Variants in CSMD2 observed in about 807,000 individuals in gnomAD.
CSMD2 encodes CUB and sushi domain-containing protein 2.
A neutral mutation model predicts 398.5 loss-of-function variants in CSMD2; 130 were observed. That is an observed-to-expected ratio of 0.33 (90% CI 0.28 to 0.38). The LOEUF (loss-of-function observed/expected upper bound fraction) is 0.38. CSMD2 is among the 10% of genes least tolerant of loss of function. CSMD2 has a pLI of 1.00. For missense variants in CSMD2, 3,829 were observed against 4,764.9 expected (o/e 0.80, Z 5.78); for synonymous variants, 1,828 against 1,908.5 (o/e 0.96, Z 1.10).
At chr1:33,672,942 C>T (rs1175576827) in intron 25 of CSMD2, among the ~76,000 whole-genome samples, 1 of 152,152 alleles carries the variant, frequency 6.6e-6, no homozygotes, top group African/African-American at 2.4e-5. Flanking sequence ...AAAGGACATC[C>T]ACACCAAAAC....
chr1:33,813,369 C>T (rs554872157), intron 9 of CSMD2, among the ~76,000 whole-genome samples: 1 of 152,354 alleles, frequency 6.6e-6, no homozygotes, highest in South Asian at 2.1e-4. Flanking sequence ...GACAGACAGA[C>T]AGACATCACC....
At chr1:33,837,072 A>T (rs34573636) in intron 6 of CSMD2, among the ~76,000 whole-genome samples, 1 of 151,960 alleles carries the variant, frequency 6.6e-6, no homozygotes, top group Non-Finnish European at 1.5e-5. Context: ...GAGCAATCCC[A>T]GGGAAGCAGT....
rs577281103 is a variant in CSMD2, at chr1:33,874,691, G to A, written c.921-27695C>T. ...GGTTAGCACCCAGAGAGTTTGATGG[G>A]CACCAGAAACCACACCTCCAGCTCT... On this transcript the variant is annotated intron_variant, in intron 5 of 70. Transcript: ENST00000373381. Among the ~76,000 whole-genome samples, 13 of 152,252 alleles carry A rather than the reference G, an allele frequency of 8.5e-5. No homozygotes were observed. In the South Asian group the frequency reaches 1.5e-3, roughly 17 times the overall value.
intron 13 of CSMD2, among the ~76,000 whole-genome samples, chr1:33,768,538 G>A (rs538466557): frequency 0.12 from 1,181 of 10,008 alleles, 19 homozygotes; most frequent in African/African-American, 0.24. Context: ...GTGCGTGCAT[G>A]TGTGTGTGTG....
intron 36 of CSMD2, 51 bp from the exon 37 acceptor site, chr1:33,622,322 C>T (rs567298323): frequency 7.6e-7 from 1 of 1,318,836 alleles, no homozygotes; most frequent in Admixed American, 1.7e-5. Context: ...CCTCCAGGCC[C>T]TTGCATTCCT....
At chr1:33,871,695 C>A (rs181395746) in intron 5 of CSMD2, among the ~76,000 whole-genome samples, 2 of 152,312 alleles carry the variant, frequency 1.3e-5, no homozygotes, top group East Asian at 3.9e-4. Context: ...CGGCTCACTA[C>A]AGCCCTCACC....
chr1:33,714,502 G>T, intron 21 of CSMD2, 85 bp downstream of exon 21: 1 of 1,477,674 alleles, frequency 6.8e-7, no homozygotes, highest in Non-Finnish European at 9.3e-7. Context: ...CTCTTGGCCT[G>T]TGTGCCGTCC....
In CSMD2 at chr1:33,774,107, TTGTGTGTGTGTGTGTG is replaced by T. The variant is rs61454614; in HGVS notation, c.1664-1372_1664-1357del. On this transcript the variant is annotated intron_variant, in intron 12 of 70. Transcript: ENST00000373381. ...AGGACAAGGCATTCTATGGCTGGGA[TTGTGTGTGTGTGTGTG>T]TGTGTGTGTGTGTGTGTGTGTGTGT... 2.3e-3 allele frequency among the ~76,000 whole-genome samples: 324 copies of T among 141,686 alleles called. 1 individual carries two copies. Among genetic ancestry groups the T allele is most frequent in the South Asian group, 0.013 (54 of 4,292 alleles). The allele number at this position is 141,686 out of a possible 152,430, so 93.0% of individuals were successfully genotyped here. A position where few individuals can be genotyped will look rare whatever the true frequency, so the allele number is the denominator to read the frequency against.
intron 1 of CSMD2, among the ~76,000 whole-genome samples, chr1:34,093,786 T>C (rs1289236361): frequency 6.6e-6 from 1 of 152,008 alleles, no homozygotes; most frequent in Admixed American, 6.6e-5. Context: ...GTCCGATTGG[T>C]GTATCTGAAA....
At chr1:33,643,942 G>A (rs925922215) in intron 29 of CSMD2, among the ~76,000 whole-genome samples, 3 of 151,184 alleles carry the variant, frequency 2.0e-5, no homozygotes, top group Non-Finnish European at 4.4e-5. Flanking sequence ...AGGAACAAAT[G>A]AAATAATGAA....
intron 3 of CSMD2, among the ~76,000 whole-genome samples, chr1:34,000,301 G>A (rs1291398851): frequency 6.6e-6 from 1 of 152,096 alleles, no homozygotes; most frequent in East Asian, 1.9e-4. Flanking sequence ...AAGCAGGAAG[G>A]AATGTGAGGA....
intron 7 of CSMD2, among the ~76,000 whole-genome samples, chr1:33,824,777 G>A (rs866250178): frequency 5.3e-5 from 8 of 152,092 alleles, no homozygotes; most frequent in Admixed American, 1.3e-4. Flanking sequence ...GCAGAAAGTG[G>A]CAAGAGGAGA....
At chr1:34,078,753 G>A (rs566947090) in intron 2 of CSMD2, among the ~76,000 whole-genome samples, 2 of 152,300 alleles carry the variant, frequency 1.3e-5, no homozygotes, top group East Asian at 3.9e-4. Context: ...CCAGACAAGT[G>A]AAGAAAAATG....
chr1:33,517,503 C>A (rs1489563320), intron 70 of CSMD2, among the ~76,000 whole-genome samples: 1 of 152,238 alleles, frequency 6.6e-6, no homozygotes, highest in African/African-American at 2.4e-5. Context: ...AGATTCATCA[C>A]TGATCATCTC....
rs781374852 is a variant in CSMD2 at position 33,600,980 on chromosome 1, G to A, written c.6741C>T (p.Leu2247=). Residue 2247 remains leucine, a synonymous_variant, in exon 44 of 71, where the codon CTC becomes CTT. Transcript: ENST00000373381. ...WDGPQQTAPR[L]GVFTRSMAKK... The stretch of plus-strand genomic sequence containing the variant: ...TGGCCATGCTCCGGGTGAAGACGCC[G>A]AGCCGTGGTGCTGTTTGCTGTGGCC... The A allele has an allele frequency of 5.0e-6, 8 of 1,614,130 alleles. No homozygotes were observed. In the East Asian group the frequency reaches 1.1e-4, roughly 22 times the overall value.
intron 25 of CSMD2, among the ~76,000 whole-genome samples, chr1:33,668,924 T>G (rs772564531): frequency 2.6e-5 from 4 of 152,170 alleles, no homozygotes; most frequent in Non-Finnish European, 4.4e-5. Flanking sequence ...AACATAATAA[T>G]ATGTGCAATA....
intron 8 of CSMD2, 118 bp from the exon 9 acceptor site, chr1:33,819,955 C>A (rs889056369): frequency 2.3e-6 from 3 of 1,276,924 alleles, no homozygotes; most frequent in Non-Finnish European, 3.3e-6. Context: ...CCCTTAATCT[C>A]TGCTCCACTG....
At position 34,040,747 on chromosome 1, in the gene CSMD2, G is replaced by A. The variant is rs148258358; in HGVS notation, c.405-8041C>T. On this transcript the variant is annotated intron_variant, in intron 2 of 70. Transcript: ENST00000373381. ...ACCCATGAAATGAGGCGAGATATAA[G>A]GAAAAAGCAGACTGCTTCGAACACC... 8.3e-3 allele frequency among the ~76,000 whole-genome samples: 1,271 copies of A among 152,224 alleles called. 12 individuals are homozygous for A. The highest frequency in any genetic ancestry group is 0.013 in the Non-Finnish European group (915 of 68,012).
At chr1:33,650,362 T>G (rs752551294) in intron 28 of CSMD2, among the ~76,000 whole-genome samples, 33 of 151,980 alleles carry the variant, frequency 2.2e-4, no homozygotes, top group Non-Finnish European at 4.0e-4. Context: ...ATCAAACATT[T>G]ATGGAGGAAA....
Sources: allele counts gnomAD v4.1 joint callset (sites outside exome capture counted in the v4.1 genomes callset), GRCh38; gene constraint gnomAD v4.1.1; transcripts MANE v1.5; gene names NCBI Gene and HGNC (gene_info 2026-07-23, HGNC 2026-07-21).